CNTNAP2: variants seen among roughly 807,000 people sequenced by gnomAD.
CNTNAP2 encodes the protein contactin-associated protein-like 2.
A neutral mutation model predicts 155.2 loss-of-function variants in CNTNAP2; 98 were observed. The ratio of observed to expected loss-of-function variants is 0.63; its 90% CI spans 0.54 to 0.75. CNTNAP2 has a LOEUF of 0.75. Ranked by LOEUF, CNTNAP2 falls within the 30% of genes least tolerant of loss-of-function variation. The pLI, the probability that CNTNAP2 is intolerant of heterozygous loss-of-function variation, is 0.00. For missense variants in CNTNAP2, 1,727 were observed against 1,688.1 expected (o/e 1.02, Z -0.40); for synonymous variants, 651 against 631.2 (o/e 1.03, Z -0.47).
chr7:146,841,659 A>T (rs1341300105), intron 3 of CNTNAP2, among the ~76,000 whole-genome samples: 1 of 152,206 alleles, frequency 6.6e-6, no homozygotes, highest in African/African-American at 2.4e-5. Flanking sequence ...TCTATATCAG[A>T]ACAGAAATAC....
Position 146,451,849 on chromosome 7 carries a change from C to CATACGT in CNTNAP2, c.98-322422_98-322421insATACGT, listed in dbSNP as rs1459744411. ...GTATATATATACATATATATATACA[C>CATACGT]GTATTCTATATATATATATACGTAT... On this transcript the variant is annotated intron_variant, in intron 1 of 23. Coordinates refer to ENST00000361727, the MANE Select transcript of CNTNAP2 (RefSeq NM_014141.6). 3.0e-4 allele frequency among the ~76,000 whole-genome samples: 33 copies of CATACGT among 111,736 alleles called. 1 individual carries two copies. The highest frequency in any genetic ancestry group is 1.4e-3 in the African/African-American group (20 of 14,734). 73.3% of individuals were successfully genotyped at this position (111,736 alleles called of 152,430 possible). A position where few individuals can be genotyped will look rare whatever the true frequency, so the allele number is the denominator to read the frequency against.
chr7:146,168,806 A>C (rs1329881889), intron 1 of CNTNAP2, among the ~76,000 whole-genome samples: 1 of 152,144 alleles, frequency 6.6e-6, no homozygotes, highest in Non-Finnish European at 1.5e-5. Context: ...AACCAGAATG[A>C]CCCCTTAAGT....
chr7:147,041,222 C>T (rs560569088), intron 3 of CNTNAP2, among the ~76,000 whole-genome samples: 68 of 152,244 alleles, frequency 4.5e-4, no homozygotes, highest in African/African-American at 1.5e-3. Flanking sequence ...TACTTTCTGC[C>T]AGTCAGACTT....
chr7:148,211,277 A>G (rs781349988), intron 18 of CNTNAP2, among the ~76,000 whole-genome samples: 8 of 152,236 alleles, frequency 5.3e-5, no homozygotes, highest in Non-Finnish European at 1.2e-4. Context: ...ACAGAGCTTC[A>G]AGAATCCAGG....
intron 3 of CNTNAP2, among the ~76,000 whole-genome samples, chr7:147,007,844 C>T (rs1798552249): frequency 6.6e-6 from 1 of 151,328 alleles, no homozygotes; most frequent in Non-Finnish European, 1.5e-5. Context: ...AAGTAAATTA[C>T]AAAAAAAATA....
intron 1 of CNTNAP2, among the ~76,000 whole-genome samples, chr7:146,651,657 T>A (rs753296908): frequency 1.3e-5 from 2 of 152,156 alleles, no homozygotes; most frequent in Non-Finnish European, 2.9e-5. Flanking sequence ...AAGATAAGAA[T>A]AAGGCAGTTC....
chr7:146,343,486 G>A (rs1584879301), intron 1 of CNTNAP2, among the ~76,000 whole-genome samples: 1 of 152,052 alleles, frequency 6.6e-6, no homozygotes. Flanking sequence ...CCACACTCAT[G>A]CGTTAGAATC....
At chr7:146,679,776 G>C (rs1032688754) in intron 1 of CNTNAP2, among the ~76,000 whole-genome samples, 2 of 150,222 alleles carry the variant, frequency 1.3e-5, no homozygotes, top group African/African-American at 4.9e-5. Context: ...TTTCTCTTTT[G>C]CCTGTATTCC....
At chr7:147,468,131 T>A (rs1017686367) in intron 10 of CNTNAP2, among the ~76,000 whole-genome samples, 3 of 152,014 alleles carry the variant, frequency 2.0e-5, no homozygotes, top group Admixed American at 6.6e-5. Context: ...AAAAAAAATT[T>A]AAAAATATAA....
intron 20 of CNTNAP2, among the ~76,000 whole-genome samples, chr7:148,251,696 C>T (rs918254026): frequency 1.3e-5 from 2 of 152,230 alleles, no homozygotes; most frequent in Non-Finnish European, 2.9e-5. Context: ...CTAGCTTTCT[C>T]TTGGCCCAAA....
intron 1 of CNTNAP2, among the ~76,000 whole-genome samples, chr7:146,169,774 C>T (rs781060847): frequency 6.6e-6 from 1 of 150,848 alleles, no homozygotes; most frequent in Non-Finnish European, 1.5e-5. Flanking sequence ...CAGGTTCATC[C>T]ATGTTGTTGC....
At chr7:147,402,467 A>G (rs1158578313) in intron 10 of CNTNAP2, among the ~76,000 whole-genome samples, 1 of 152,172 alleles carries the variant, frequency 6.6e-6, no homozygotes, top group African/African-American at 2.4e-5. Flanking sequence ...GGTGACAGCT[A>G]TTCCCAGCAT....
At chr7:147,881,988 A>G (rs747447008) in intron 13 of CNTNAP2, among the ~76,000 whole-genome samples, 41 of 152,254 alleles carry the variant, frequency 2.7e-4, no homozygotes, top group Non-Finnish European at 4.4e-4. Flanking sequence ...ATCCCTACCA[A>G]GAAAAGAAAA....
At chr7:146,242,676 G>T (rs1799582752) in intron 1 of CNTNAP2, among the ~76,000 whole-genome samples, 1 of 141,094 alleles carries the variant, frequency 7.1e-6, no homozygotes, top group Non-Finnish European at 1.5e-5. Context: ...TTTGATATTG[G>T]ATTGATTAAC....
At chr7:148,122,163 G>A (rs1413097199) in intron 16 of CNTNAP2, among the ~76,000 whole-genome samples, 1 of 152,186 alleles carries the variant, frequency 6.6e-6, no homozygotes, top group Admixed American at 6.5e-5. Context: ...AGGAAACTGA[G>A]GCACAGGGTG....
At chr7:147,913,411 A>G (rs1800102348) in intron 14 of CNTNAP2, among the ~76,000 whole-genome samples, 1 of 152,204 alleles carries the variant, frequency 6.6e-6, no homozygotes, top group African/African-American at 2.4e-5. Context: ...ACCCTCAGTG[A>G]CAACACTGGA....
chr7:148,064,320 G>C (rs926551876), intron 15 of CNTNAP2, among the ~76,000 whole-genome samples: 4 of 152,130 alleles, frequency 2.6e-5, no homozygotes, highest in Middle Eastern at 3.4e-3. Flanking sequence ...GCTTTTGGCA[G>C]TATGGTCATT....
chr7:147,310,100 C>T (rs1391314593), intron 9 of CNTNAP2, among the ~76,000 whole-genome samples: 1 of 152,000 alleles, frequency 6.6e-6, no homozygotes, highest in Non-Finnish European at 1.5e-5. Context: ...ATTATGTAGC[C>T]CAAGATTCCC....
intron 12 of CNTNAP2, among the ~76,000 whole-genome samples, chr7:147,584,982 A>C (rs1800589544): frequency 6.6e-6 from 1 of 152,046 alleles, no homozygotes. Flanking sequence ...CTCAGTGAGA[A>C]TCTCAGTGAC....
Sources: gnomAD v4.1 joint callset for allele counts (sites outside exome capture counted in the v4.1 genomes callset) on GRCh38, gnomAD v4.1.1 for gene constraint, MANE v1.5 for transcripts, NCBI Gene and HGNC (gene_info 2026-07-23, HGNC 2026-07-21) for gene names.